Variants in WEE2 observed in about 807,000 individuals in gnomAD.
WEE2 encodes WEE2 oocyte meiosis inhibiting kinase, also known as wee1-like protein kinase 2.
In WEE2, 50 loss-of-function variants were observed where a neutral mutation model predicts 60.1. The observed-to-expected ratio is 0.83, with a 90% CI of 0.66 to 1.05. The LOEUF (loss-of-function observed/expected upper bound fraction) is 1.05. Among genes scored for constraint, WEE2 ranks in the 50% least tolerant of loss-of-function variants. WEE2 has a pLI of 0.00. For missense variants in WEE2, 631 were observed against 684.3 expected, an observed-to-expected ratio of 0.92 and a Z score of 0.87; for synonymous variants, 240 against 241.0, an observed-to-expected ratio of 1.00 and a Z score of 0.04.
chr7:141,718,860 GT>G (rs1798853147), intron 3 of WEE2, among the ~76,000 whole-genome samples: 1 of 152,108 alleles, frequency 6.6e-6, no homozygotes, highest in Admixed American at 6.5e-5. Context: ...TCAGTATAGG[GT>G]TGTACAGAAG....
In WEE2 at chr7:141,709,072, T is replaced by G; in HGVS notation, c.314T>G (p.Leu105Arg). The change falls in exon 1 of 12, where the codon CTG becomes CGG. Residue 105 changes from leucine to arginine, a missense_variant. Physicochemically the swap from Leu to Arg is moderately radical, Grantham distance 102. Coordinates refer to ENST00000397541, the MANE Select transcript of WEE2 (RefSeq NM_001105558.1). ...CAACCAGACAGCAGGAGCAAGCTGC[T>G]GCCCAGTGACAGCCCCTCTACTCCC... The part of the protein sequence containing the change: ...PAQPDSRSKL[L>R]PSDSPSTPKT... 6.2e-7 allele frequency: 1 copy of G among 1,613,964 alleles called. No individual in the cohort carries two copies.
chr7:141,721,823 A>C (rs17162425), intron 5 of WEE2, among the ~76,000 whole-genome samples: 74,749 of 151,952 alleles, frequency 0.49, 18,519 homozygotes, highest in Middle Eastern at 0.52. Flanking sequence ...GTTTCTAATT[A>C]ATACGTCATA....
intron 1 of WEE2, among the ~76,000 whole-genome samples, chr7:141,713,869 A>G (rs991065101): frequency 2.0e-5 from 3 of 152,168 alleles, no homozygotes; most frequent in African/African-American, 7.2e-5. Context: ...AGTCATTTTT[A>G]TTTGTCTAAA....
At chr7:141,729,004 C>A (rs1256859570) in intron 10 of WEE2, among the ~76,000 whole-genome samples, 1 of 152,154 alleles carries the variant, frequency 6.6e-6, no homozygotes, top group East Asian at 1.9e-4. Flanking sequence ...GGTTGGGGAC[C>A]GCTGGTCTAG....
chr7:141,719,072 AGAT>A lies in WEE2; in HGVS notation c.588_590del (p.Arg196_Cys197delinsSer). 1 of 1,612,900 alleles carries A rather than the reference AGAT, an allele frequency of 6.2e-7. No individual in the cohort carries two copies. Among genetic ancestry groups the A allele is most frequent in the Non-Finnish European group, 8.5e-7 (1 of 1,179,378 alleles). ...TTTCCTTTTTATTAAAATACTTTAG[AGAT>A]GTGTTTTACGAGAAACCAACATGGC... On this transcript the variant is annotated inframe_deletion and splice_region_variant, in exon 4 of 12. Coordinates refer to ENST00000397541, the MANE Select transcript of WEE2 (RefSeq NM_001105558.1).
chr7:141,709,468 C>T (rs1798678021), intron 1 of WEE2, among the ~76,000 whole-genome samples: 1 of 152,198 alleles, frequency 6.6e-6, no homozygotes, highest in Admixed American at 6.5e-5. Flanking sequence ...GAAACTGTCT[C>T]ACAGCTCAGC....
chr7:141,718,558 A>T (rs968800517), intron 3 of WEE2, among the ~76,000 whole-genome samples: 9 of 152,094 alleles, frequency 5.9e-5, no homozygotes, highest in African/African-American at 2.2e-4. Context: ...CAAAATTGTC[A>T]AAGTTTGACA....
At chr7:141,710,508 C>T (rs368003571) in intron 1 of WEE2, among the ~76,000 whole-genome samples, 1 of 152,232 alleles carries the variant, frequency 6.6e-6, no homozygotes, top group East Asian at 1.9e-4. Flanking sequence ...AAAAAGAGCC[C>T]ACAAAATGAA....
intron 1 of WEE2, among the ~76,000 whole-genome samples, chr7:141,713,804 A>C (rs1798747334): frequency 6.6e-6 from 1 of 152,308 alleles, no homozygotes; most frequent in East Asian, 1.9e-4. Flanking sequence ...TAGGCACCAA[A>C]CAAATATTTG....
chr7:141,720,798 G>A (rs774388935), intron 4 of WEE2, 137 bp from the exon 5 acceptor site: 157 of 967,714 alleles, frequency 1.6e-4, no homozygotes, highest in Non-Finnish European at 2.2e-4. Flanking sequence ...GATTCAATGA[G>A]ATAAAATAGT....
chr7:141,724,979 C>A, intron 8 of WEE2, 47 bp from the exon 9 acceptor site: 1 of 1,588,734 alleles, frequency 6.3e-7, no homozygotes, highest in South Asian at 1.1e-5. Flanking sequence ...AATCTAGACT[C>A]ACCCTGCTTG....
intron 6 of WEE2, among the ~76,000 whole-genome samples, chr7:141,723,612 A>G (rs575125507): frequency 1.3e-5 from 2 of 152,320 alleles, no homozygotes; most frequent in East Asian, 3.9e-4. Context: ...CTCTGCACTG[A>G]TTAAAGAGAA....
intron 1 of WEE2, among the ~76,000 whole-genome samples, chr7:141,713,319 C>G (rs1798738457): frequency 6.6e-6 from 1 of 152,092 alleles, no homozygotes; most frequent in South Asian, 2.1e-4. Context: ...ACTGTGGCCC[C>G]TGTGTGTGCT....
At position 141,714,290 on chromosome 7, in the gene WEE2, C is replaced by T. The variant is rs774144770; in HGVS notation, c.424C>T (p.Pro142Ser). ...GPKHLKLTPA[P>S]LKDEMTSLAL... ...TAAGCATTTGAAGCTCACACCTGCT[C>T]CCCTCAAGGATGAGATGACCTCATT... Residue 142 changes from proline (P) to serine (S), a missense_variant, in exon 2 of 12, where the codon CCC (proline) becomes TCC (serine). Pro to Ser is a moderately conservative substitution (Grantham distance 74). Coordinates refer to ENST00000397541, the MANE Select transcript of WEE2 (RefSeq NM_001105558.1). 3 of 1,613,920 alleles carry T rather than the reference C, an allele frequency of 1.9e-6. No homozygotes were observed. Among genetic ancestry groups the T allele is most frequent in the Non-Finnish European group, 1.7e-6 (2 of 1,179,854 alleles).
rs1239827965 is a variant in WEE2, at chr7:141,729,557, A to AG, written c.1563dup (p.Ser522ValfsTer10). 6.2e-7 allele frequency: 1 copy of AG among 1,614,206 alleles called. No homozygotes were observed. Among genetic ancestry groups the AG allele is most frequent in the Non-Finnish European group, 8.5e-7 (1 of 1,180,026 alleles). Reference sequence around the variant, plus strand: ...GAACTGAGAGAAGCCCAGCAGGCCCAGTCACCCCAGGGATATACCCATCAT... The same window carrying AG: ...GAACTGAGAGAAGCCCAGCAGGCCCAGGTCACCCCAGGGATATACCCATCAT... On this transcript the variant is annotated frameshift_variant, in exon 11 of 12. Coordinates refer to ENST00000397541, the MANE Select transcript of WEE2 (RefSeq NM_001105558.1). LOFTEE classifies it high-confidence loss of function.
rs761827518 is a variant in WEE2, at chr7:141,723,181, C to G, written c.928C>G (p.His310Asp). 1 of 1,614,208 alleles carries G rather than the reference C, an allele frequency of 6.2e-7. No homozygotes were observed. The highest frequency in any genetic ancestry group is 8.5e-7 in the Non-Finnish European group (1 of 1,180,020). ...ATCTGAAAACACTAAGTCTGGCAAT[C>G]ATTTTGAAGAGCCAAAACTCAAGGA... The part of the protein sequence containing the change: ...AISENTKSGN[H>D]FEEPKLKDIL... The change falls in exon 6 of 12, where the codon CAT becomes GAT. Residue 310 changes from histidine to aspartate, a missense_variant. By Grantham distance (81) the His-to-Asp change is moderately conservative. Coordinates refer to ENST00000397541, the MANE Select transcript of WEE2 (RefSeq NM_001105558.1).
intron 1 of WEE2, among the ~76,000 whole-genome samples, chr7:141,713,063 A>G (rs1798734486): frequency 6.6e-6 from 1 of 152,166 alleles, no homozygotes; most frequent in African/African-American, 2.4e-5. Flanking sequence ...GACTCTGGCA[A>G]TGACGTCATT....
Position 141,714,200 on chromosome 7 carries a change from C to A in WEE2, c.343-9C>A, listed in dbSNP as rs1238654380. On this transcript the variant is annotated splice_polypyrimidine_tract_variant and intron_variant, in intron 1 of 11. Coordinates refer to ENST00000397541, the MANE Select transcript of WEE2 (RefSeq NM_001105558.1). ...CTATTATGACTTGCCTTTTGTCATC[C>A]TCATTCAGACCATGCTGAGCCGGTT... 1 of 1,597,922 alleles carries A rather than the reference C, an allele frequency of 6.3e-7. No individual in the cohort carries two copies. The highest frequency in any genetic ancestry group is 8.5e-7 in the Non-Finnish European group (1 of 1,174,910).
At chr7:141,729,082 T>C (rs1337996804) in intron 10 of WEE2, among the ~76,000 whole-genome samples, 1 of 152,276 alleles carries the variant, frequency 6.6e-6, no homozygotes, top group Non-Finnish European at 1.5e-5. Context: ...GTGGGCCATA[T>C]GCTTTCTGCT....
Sources: allele counts gnomAD v4.1 joint callset (sites outside exome capture counted in the v4.1 genomes callset), GRCh38; gene constraint gnomAD v4.1.1; transcripts MANE v1.5; gene names NCBI Gene and HGNC (gene_info 2026-07-23, HGNC 2026-07-21).